The following KCND2 variants were observed in gnomAD, a reference collection of about 807,000 sequenced individuals.
KCND2 encodes the protein potassium voltage-gated channel subfamily D member 2, also known as A-type voltage-gated potassium channel KCND2.
Under a neutral mutation model 54.4 loss-of-function variants are expected in KCND2, and 16 were observed. The observed-to-expected ratio is 0.29, with a 90% CI of 0.20 to 0.45. The LOEUF (loss-of-function observed/expected upper bound fraction) is 0.45. KCND2 is among the 20% of genes least tolerant of loss of function. The pLI is 1.00. For synonymous variants in KCND2, 317 were observed against 310.7 expected (o/e 1.02, Z -0.21); for missense variants, 486 against 824.2 (o/e 0.59, Z 5.02).
At chr7:120,617,866 A>G (rs1793047746) in intron 1 of KCND2, among the ~76,000 whole-genome samples, 1 of 152,218 alleles carries the variant, frequency 6.6e-6, no homozygotes, top group Non-Finnish European at 1.5e-5. Context: ...CTTTGCAGCA[A>G]CGTGGATGCA....
At chr7:120,578,076 AAGG>A (rs1159176368) in intron 1 of KCND2, among the ~76,000 whole-genome samples, 6 of 151,704 alleles carry the variant, frequency 4.0e-5, no homozygotes, top group African/African-American at 1.5e-4. Flanking sequence ...CAAGAAGGAG[AAGG>A]AGAAGGAGAA....
At chr7:120,403,894 T>A (rs573636607) in intron 1 of KCND2, among the ~76,000 whole-genome samples, 4 of 152,234 alleles carry the variant, frequency 2.6e-5, no homozygotes, top group South Asian at 2.1e-4. Context: ...AAGATTTTTT[T>A]AAAAGAATCT....
chr7:120,307,793 C>A (rs538127201), intron 1 of KCND2, among the ~76,000 whole-genome samples: 2 of 152,240 alleles, frequency 1.3e-5, no homozygotes, highest in East Asian at 3.9e-4. Flanking sequence ...GCTTCTGAGA[C>A]TAGACACCGT....
intron 1 of KCND2, among the ~76,000 whole-genome samples, chr7:120,558,314 C>T (rs1262814369): frequency 1.3e-5 from 2 of 152,080 alleles, no homozygotes; most frequent in African/African-American, 2.4e-5. Context: ...AAAGGAGAGG[C>T]GTTGCAATCA....
intron 1 of KCND2, among the ~76,000 whole-genome samples, chr7:120,468,946 T>C (rs1484954975): frequency 2.0e-5 from 3 of 152,116 alleles, no homozygotes; most frequent in African/African-American, 4.8e-5. Context: ...TTAGAACTTA[T>C]TTAGGAAACA....
chr7:120,702,661 G>T (rs1000048147), intron 1 of KCND2, among the ~76,000 whole-genome samples: 1 of 152,084 alleles, frequency 6.6e-6, no homozygotes, highest in East Asian at 1.9e-4. Flanking sequence ...GGAGCTGGAG[G>T]TCATTATCCT....
At chr7:120,705,071 C>T in intron 1 of KCND2, among the ~76,000 whole-genome samples, 1 of 152,034 alleles carries the variant, frequency 6.6e-6, no homozygotes, top group Non-Finnish European at 1.5e-5. Flanking sequence ...TGTGAGTTTA[C>T]CAGAAGCAAA....
intron 1 of KCND2, among the ~76,000 whole-genome samples, chr7:120,420,389 T>G (rs1801594841): frequency 1.3e-5 from 2 of 152,060 alleles, no homozygotes; most frequent in South Asian, 4.1e-4. Flanking sequence ...CCTGGTAGGG[T>G]GGAGGTGCTC....
At chr7:120,618,220 C>CAG (rs978723280) in intron 1 of KCND2, among the ~76,000 whole-genome samples, 4 of 151,998 alleles carry the variant, frequency 2.6e-5, no homozygotes, top group Non-Finnish European at 5.9e-5. Flanking sequence ...AACATGAAAC[C>CAG]AGAATCCAAA....
At chr7:120,564,220 G>T (rs902281043) in intron 1 of KCND2, among the ~76,000 whole-genome samples, 1 of 152,138 alleles carries the variant, frequency 6.6e-6, no homozygotes, top group Non-Finnish European at 1.5e-5. Flanking sequence ...TGAAATTTTT[G>T]TAGTAATGAT....
chr7:120,535,875 T>C (rs564653730), intron 1 of KCND2, among the ~76,000 whole-genome samples: 1 of 152,220 alleles, frequency 6.6e-6, no homozygotes, highest in Non-Finnish European at 1.5e-5. Context: ...TCCATAATGC[T>C]AGATTGTTTT....
intron 1 of KCND2, among the ~76,000 whole-genome samples, chr7:120,695,072 C>G (rs1792317061): frequency 6.6e-6 from 1 of 152,058 alleles, no homozygotes; most frequent in Non-Finnish European, 1.5e-5. Context: ...TTGCAAATTC[C>G]TTAGGGGTAT....
intron 1 of KCND2, among the ~76,000 whole-genome samples, chr7:120,301,899 T>G (rs1429651324): frequency 6.6e-6 from 1 of 152,170 alleles, no homozygotes; most frequent in Non-Finnish European, 1.5e-5. Flanking sequence ...GAGGTAACCA[T>G]ATGATAACTT....
At chr7:120,517,903 G>C (rs1242554084) in intron 1 of KCND2, among the ~76,000 whole-genome samples, 1 of 152,110 alleles carries the variant, frequency 6.6e-6, no homozygotes, top group Non-Finnish European at 1.5e-5. Context: ...ACACTGGCAT[G>C]TACCAGATGT....
At chr7:120,702,315 A>G (rs1792412776) in intron 1 of KCND2, among the ~76,000 whole-genome samples, 1 of 152,212 alleles carries the variant, frequency 6.6e-6, no homozygotes, top group Non-Finnish European at 1.5e-5. Context: ...GGTTGCAGAA[A>G]AAAGGAATGC....
At chr7:120,280,046 G>A (rs1799239485) in intron 1 of KCND2, among the ~76,000 whole-genome samples, 1 of 151,890 alleles carries the variant, frequency 6.6e-6, no homozygotes, top group South Asian at 2.1e-4. Context: ...TATTGCTAGT[G>A]CATTAATATA....
chr7:120,555,015 G>T (rs1373953307), intron 1 of KCND2, among the ~76,000 whole-genome samples: 4 of 152,104 alleles, frequency 2.6e-5, no homozygotes, highest in Non-Finnish European at 5.9e-5. Context: ...ATGGTACTCT[G>T]CTTTCACTAT....
At chr7:120,518,826 G>A (rs1171577549) in intron 1 of KCND2, among the ~76,000 whole-genome samples, 1 of 152,132 alleles carries the variant, frequency 6.6e-6, no homozygotes, top group Non-Finnish European at 1.5e-5. Context: ...AAGGGACTTT[G>A]CCGACGTGAA....
chr7:120,572,521 A>AAT (rs199651169), intron 1 of KCND2, among the ~76,000 whole-genome samples: 9,933 of 151,212 alleles, frequency 0.066, 476 homozygotes, highest in South Asian at 0.09. Flanking sequence ...GTGTGAACAT[A>AAT]ATATATATAT....
Sources: gnomAD v4.1 joint callset for allele counts (sites outside exome capture counted in the v4.1 genomes callset) on GRCh38, gnomAD v4.1.1 for gene constraint, MANE v1.5 for transcripts, NCBI Gene and HGNC (gene_info 2026-07-23, HGNC 2026-07-21) for gene names.